The following CCDC178 variants were observed in gnomAD, a reference collection of about 807,000 sequenced individuals.
CCDC178 encodes coiled-coil domain-containing protein 178.
CCDC178 carries 126 observed loss-of-function variants against 117.4 expected under a neutral mutation model. The ratio of observed to expected loss-of-function variants is 1.07; its 90% CI spans 0.93 to 1.24. The LOEUF (loss-of-function observed/expected upper bound fraction) is 1.24. CCDC178 is among the 50% of genes most tolerant of loss of function. The pLI is 0.00. For missense variants in CCDC178, 1,030 were observed against 986.9 expected (o/e 1.04, Z -0.59); for synonymous variants, 283 against 313.4 (o/e 0.90, Z 1.02).
chr18:32,952,524 G>A (rs1002747585), intron 22 of CCDC178, among the ~76,000 whole-genome samples: 2 of 152,074 alleles, frequency 1.3e-5, no homozygotes, highest in Non-Finnish European at 2.9e-5. Flanking sequence ...CTTTCTATGT[G>A]GCCACATAGA....
At chr18:33,284,900 T>C (rs956730073) in intron 12 of CCDC178, among the ~76,000 whole-genome samples, 2 of 151,470 alleles carry the variant, frequency 1.3e-5, no homozygotes, top group South Asian at 4.1e-4. Context: ...ACTGTAGCTC[T>C]TGGGGAAAGA....
chr18:33,324,280 T>C (rs937277863), intron 10 of CCDC178, among the ~76,000 whole-genome samples: 1 of 151,886 alleles, frequency 6.6e-6, no homozygotes, highest in South Asian at 2.1e-4. Flanking sequence ...TTGTCAATTA[T>C]ATGAGCATTA....
intron 22 of CCDC178, among the ~76,000 whole-genome samples, chr18:32,969,666 A>G (rs1175405776): frequency 1.3e-5 from 2 of 152,002 alleles, no homozygotes. Context: ...GTGTGTCAAT[A>G]TGACCCTTAA....
At chr18:33,390,499 C>T (rs984754751) in intron 4 of CCDC178, among the ~76,000 whole-genome samples, 4 of 152,010 alleles carry the variant, frequency 2.6e-5, no homozygotes, top group Admixed American at 6.5e-5. Context: ...TAATGTGGAC[C>T]AGTGAAACGA....
chr18:33,381,100 T>G (rs2063434125), intron 5 of CCDC178, among the ~76,000 whole-genome samples: 1 of 152,226 alleles, frequency 6.6e-6, no homozygotes, highest in African/African-American at 2.4e-5. Context: ...AGTCAGTCCC[T>G]GTAAGTACTA....
At chr18:33,368,836 G>A (rs752508742) in intron 6 of CCDC178, among the ~76,000 whole-genome samples, 3 of 151,756 alleles carry the variant, frequency 2.0e-5, no homozygotes, top group Non-Finnish European at 4.4e-5. Context: ...ATCAATGGTA[G>A]CTGTTATAAT....
intron 2 of CCDC178, among the ~76,000 whole-genome samples, chr18:33,423,061 C>T (rs2064052057): frequency 1.3e-5 from 2 of 152,148 alleles, no homozygotes; most frequent in African/African-American, 4.8e-5. Flanking sequence ...GAAAATCTCA[C>T]TTTACCCATT....
intron 20 of CCDC178, among the ~76,000 whole-genome samples, chr18:33,107,334 T>C (rs541431100): frequency 6.6e-6 from 1 of 151,786 alleles, no homozygotes; most frequent in South Asian, 2.1e-4. Flanking sequence ...ATGTATTCCA[T>C]CATTTATTCA....
chr18:33,109,058 T>C (rs2057745276), intron 20 of CCDC178, among the ~76,000 whole-genome samples: 1 of 151,662 alleles, frequency 6.6e-6, no homozygotes, highest in East Asian at 1.9e-4. Context: ...AAAGCATAAC[T>C]GGGTCCAGCC....
At chr18:33,032,349 T>C (rs1032350765) in intron 21 of CCDC178, among the ~76,000 whole-genome samples, 2 of 152,104 alleles carry the variant, frequency 1.3e-5, no homozygotes, top group African/African-American at 2.4e-5. Flanking sequence ...CATTAGAATC[T>C]ATAAAGGGTC....
rs547309664 is a variant in CCDC178 at position 33,181,635 on chromosome 18, CT to C, written c.2238+30260del. On this transcript the variant is annotated intron_variant, in intron 20 of 22. Coordinates refer to ENST00000383096, the MANE Select transcript of CCDC178 (RefSeq NM_001105528.4). ...ACTGTTCAGTGATTTTTAATACAAA[CT>C]TTTTTATGTTTCTGAGAATCAGTGG... is the stretch of plus-strand genomic sequence containing the variant. Among the ~76,000 whole-genome samples, 7 of 151,812 alleles carry C rather than the reference CT, an allele frequency of 4.6e-5. No homozygotes were observed. The East Asian group carries it at 1.2e-3, about 25-fold the overall frequency.
At chr18:33,150,404 A>G (rs1352809866) in intron 20 of CCDC178, among the ~76,000 whole-genome samples, 1 of 152,222 alleles carries the variant, frequency 6.6e-6, no homozygotes, top group Non-Finnish European at 1.5e-5. Flanking sequence ...ATTAAACTAA[A>G]AAGCTTCTGC....
intron 21 of CCDC178, among the ~76,000 whole-genome samples, chr18:33,047,476 G>T (rs1411945774): frequency 2.0e-5 from 3 of 152,046 alleles, no homozygotes; most frequent in Non-Finnish European, 4.4e-5. Flanking sequence ...CTCTAATTTT[G>T]CATATTTCAG....
rs1006187664 is a variant in CCDC178 at position 33,378,137 on chromosome 18, G to A, written c.209-7948C>T. 3.2e-4 allele frequency among the ~76,000 whole-genome samples: 48 copies of A among 152,212 alleles called. 1 individual carries two copies. The highest frequency in any genetic ancestry group is 2.9e-3 in the Admixed American group (45 of 15,294). On this transcript the variant is annotated intron_variant, in intron 5 of 22. Coordinates refer to ENST00000383096, the MANE Select transcript of CCDC178 (RefSeq NM_001105528.4). ...TGATTTCTTTCAGCAGTGTTTTGTAGTTCTCCCTGTAGAGAGCTTTCACCT... is the reference window on the plus strand; with the variant it reads ...TGATTTCTTTCAGCAGTGTTTTGTAATTCTCCCTGTAGAGAGCTTTCACCT...
intron 14 of CCDC178, among the ~76,000 whole-genome samples, chr18:33,263,822 C>T (rs930029104): frequency 1.3e-5 from 2 of 151,766 alleles, no homozygotes; most frequent in African/African-American, 4.8e-5. Context: ...TTTTCATAAA[C>T]ATAAGATTGC....
intron 18 of CCDC178, among the ~76,000 whole-genome samples, chr18:33,222,179 ATTT>A (rs891571886): frequency 6.6e-6 from 1 of 151,818 alleles, no homozygotes; most frequent in African/African-American, 2.4e-5. Flanking sequence ...TAATCATGCT[ATTT>A]TTTATTGTTT....
intron 18 of CCDC178, among the ~76,000 whole-genome samples, chr18:33,216,370 T>C (rs2059165088): frequency 6.6e-6 from 1 of 152,062 alleles, no homozygotes; most frequent in Non-Finnish European, 1.5e-5. Flanking sequence ...CTTCTTTCCA[T>C]GGTAGGCCTG....
chr18:32,960,920 C>T (rs907038251), intron 22 of CCDC178, among the ~76,000 whole-genome samples: 2 of 151,956 alleles, frequency 1.3e-5, no homozygotes, highest in African/African-American at 4.8e-5. Context: ...TTTTATTATT[C>T]ATTTATAATA....
At chr18:33,085,022 CATA>C (rs938909679) in intron 21 of CCDC178, among the ~76,000 whole-genome samples, 11 of 152,170 alleles carry the variant, frequency 7.2e-5, no homozygotes, top group Non-Finnish European at 1.3e-4. Flanking sequence ...AATGGATTAT[CATA>C]ATGTCTCTAC....
Sources: gnomAD v4.1 joint callset for allele counts (sites outside exome capture counted in the v4.1 genomes callset) on GRCh38, gnomAD v4.1.1 for gene constraint, MANE v1.5 for transcripts, NCBI Gene and HGNC (gene_info 2026-07-23, HGNC 2026-07-21) for gene names.